The following PLAAT3 variants were observed in gnomAD, a reference collection of about 807,000 sequenced individuals.
The protein encoded by PLAAT3 is Ca-independent phospholipase A1/2.
PLAAT3 carries 21 observed loss-of-function variants against 16.7 expected under a neutral mutation model. The observed-to-expected ratio is 1.26, with a 90% CI of 0.89 to 1.81. PLAAT3 has a LOEUF of 1.81. Among genes scored for constraint, PLAAT3 ranks in the 40% most tolerant of loss-of-function variants. The probability of loss-of-function intolerance (pLI) is 0.00; values close to 1 mark genes in which losing one functional copy is unlikely to be tolerated. For missense variants in PLAAT3, 219 were observed against 213.7 expected (o/e 1.02, Z -0.16); for synonymous variants, 76 against 81.7 (o/e 0.93, Z 0.38).
intron 1 of PLAAT3, 128 bp from the exon 2 acceptor site, chr11:63,614,196 C>T (rs12807408): frequency 1.9e-5 from 14 of 736,974 alleles, no homozygotes; most frequent in Middle Eastern, 2.4e-4. Context: ...AACCACCTCG[C>T]TCCCTTTAAC....
upstream of PLAAT3, among the ~76,000 whole-genome samples, chr11:63,615,566 G>A (rs1393980778): frequency 1.3e-5 from 2 of 151,916 alleles, no homozygotes; most frequent in East Asian, 3.9e-4. Flanking sequence ...CCTTATACTA[G>A]AAGAAAAAGC....
intron 2 of PLAAT3, among the ~76,000 whole-genome samples, chr11:63,608,260 G>C (rs993229656): frequency 6.6e-6 from 1 of 152,200 alleles, no homozygotes; most frequent in African/African-American, 2.4e-5. Flanking sequence ...ACAGGAGAAG[G>C]GTTGTCTAAA....
At chr11:63,599,713 GAA>G (rs146773613) in intron 2 of PLAAT3, among the ~76,000 whole-genome samples, 2 of 147,060 alleles carry the variant, frequency 1.4e-5, no homozygotes, top group African/African-American at 5.0e-5. Context: ...TGTTTTCCAG[GAA>G]AAAAAAAAGA....
intron 1 of PLAAT3, 129 bp downstream of exon 1, chr11:63,614,256 C>A: frequency 1.7e-6 from 1 of 577,762 alleles, no homozygotes; most frequent in East Asian, 3.1e-5. Flanking sequence ...CAGGTGCCAG[C>A]GGGCGGCTCG....
Position 63,598,077 on chromosome 11 carries a change from A to T in PLAAT3, c.102T>A (p.Val34=). 6.2e-7 allele frequency: 1 copy of T among 1,612,074 alleles called. No individual in the cohort carries two copies. Among genetic ancestry groups the T allele is most frequent in the South Asian group, 1.1e-5 (1 of 91,040 alleles). The change falls in exon 3 of 5, where the codon GTT becomes GTA. Residue 34 remains valine (V), a synonymous_variant. Coordinates refer to ENST00000415826, the MANE Select transcript of PLAAT3 (RefSeq NM_001128203.2). The stretch of plus-strand genomic sequence containing the variant: ...TGTTCTTACTTGGAGGGGCCAGATG[A>T]ACCACATATCCATCGCCAACATAGA... ...WAIYVGDGYV[V]HLAPPSEVAG... is the part of the protein sequence containing the mutation.
intron 3 of PLAAT3, among the ~76,000 whole-genome samples, chr11:63,596,777 G>C (rs1008091774): frequency 6.6e-6 from 1 of 152,104 alleles, no homozygotes; most frequent in Non-Finnish European, 1.5e-5. Flanking sequence ...GATAATGAGT[G>C]AGTTCTCACA....
intron 4 of PLAAT3, among the ~76,000 whole-genome samples, chr11:63,581,009 C>T (rs773265241): frequency 3.3e-5 from 5 of 152,216 alleles, no homozygotes; most frequent in Admixed American, 6.5e-5. Flanking sequence ...GTGAAGATGT[C>T]ATGGACATTT....
Position 63,614,076 on chromosome 11 carries a change from A to C in PLAAT3, c.-54-8T>G. 1 of 1,612,322 alleles carries C rather than the reference A, an allele frequency of 6.2e-7. No homozygotes were observed. The highest frequency in any genetic ancestry group is 8.5e-7 in the Non-Finnish European group (1 of 1,178,708). On this transcript the variant is annotated splice_region_variant and splice_polypyrimidine_tract_variant and intron_variant, in intron 1 of 4. Transcript: ENST00000415826. ...ATTTCGCTGCGTAGATGTCTGAGGC[A>C]GGGGGAGCAGGGATTTATTGTCATT...
intron 3 of PLAAT3, among the ~76,000 whole-genome samples, chr11:63,595,028 C>T (rs184982314): frequency 2.0e-5 from 3 of 152,042 alleles, no homozygotes; most frequent in Admixed American, 1.3e-4. Context: ...CGGTGGCTCA[C>T]GCCTGTAATC....
At chr11:63,576,103 C>T (rs1446180652) in intron 4 of PLAAT3, among the ~76,000 whole-genome samples, 1 of 152,196 alleles carries the variant, frequency 6.6e-6, no homozygotes, top group East Asian at 1.9e-4. Flanking sequence ...TTACGCTCCA[C>T]ACAAGAGTCC....
At chr11:63,610,378 G>A (rs1299169089) in intron 2 of PLAAT3, among the ~76,000 whole-genome samples, 1 of 152,194 alleles carries the variant, frequency 6.6e-6, no homozygotes, top group Non-Finnish European at 1.5e-5. Flanking sequence ...CCTAGCCTGT[G>A]GGAAGAAGCG....
intron 3 of PLAAT3, among the ~76,000 whole-genome samples, chr11:63,596,170 G>A (rs1216998108): frequency 6.7e-6 from 1 of 149,134 alleles, no homozygotes; most frequent in East Asian, 2.0e-4. Flanking sequence ...GAACCCGGAG[G>A]CAGAGCTTGC....
chr11:63,611,895 T>C (rs1938701089), intron 2 of PLAAT3, among the ~76,000 whole-genome samples: 1 of 152,220 alleles, frequency 6.6e-6, no homozygotes, highest in African/African-American at 2.4e-5. Flanking sequence ...TCCCAGCACT[T>C]TGGGAGGCCG....
At chr11:63,597,187 TCCTGAGGCGTC>T (rs1209088208) in intron 3 of PLAAT3, among the ~76,000 whole-genome samples, 2 of 152,016 alleles carry the variant, frequency 1.3e-5, no homozygotes, top group Non-Finnish European at 2.9e-5. Context: ...ATGGTAAGTT[TCCTGAGGCGTC>T]CCCAGCCATG....
At position 63,590,230 on chromosome 11, in the gene PLAAT3, G is replaced by T; in HGVS notation, c.257C>A (p.Pro86Gln). Residue 86 changes from proline (P) to glutamine (Q), a missense_variant, in exon 4 of 5, where the codon CCG (proline) becomes CAG (glutamine). Transcript: ENST00000415826. ...CTGGATGATTTTGCTGCAGGGCAGC[G>T]GCGAGTACTTGTCATCATGTTTGTT... ...VNNKHDDKYS[P>Q]LPCSKIIQRA... The T allele has an allele frequency of 1.2e-6, 2 of 1,614,228 alleles. No homozygotes were observed. Among genetic ancestry groups the T allele is most frequent in the Non-Finnish European group, 8.5e-7 (1 of 1,180,040 alleles).
At chr11:63,616,588 A>T (rs1023257462), upstream of PLAAT3, 1 of 152,002 alleles carries the variant, frequency 6.6e-6, no homozygotes, top group Non-Finnish European at 1.5e-5. Context: ...ACAACTTACT[A>T]TTCTTTGTCC....
intron 2 of PLAAT3, among the ~76,000 whole-genome samples, chr11:63,602,279 CTG>C (rs1189288411): frequency 1.3e-4 from 5 of 37,082 alleles, no homozygotes; most frequent in Non-Finnish European, 2.6e-4. Context: ...GACAGTGAAA[CTG>C]TCTCAAAAAA....
chr11:63,606,824 C>T (rs1361914210), intron 2 of PLAAT3, among the ~76,000 whole-genome samples: 1 of 152,172 alleles, frequency 6.6e-6, no homozygotes, highest in African/African-American at 2.4e-5. Context: ...GAAAAGCAGC[C>T]GGTCCGGAAG....
intron 2 of PLAAT3, among the ~76,000 whole-genome samples, chr11:63,599,957 G>A (rs1435348553): frequency 1.3e-5 from 2 of 152,090 alleles, no homozygotes; most frequent in African/African-American, 2.4e-5. Flanking sequence ...ACCAATGAGA[G>A]GAGCCCTCAC....
Sources: gnomAD v4.1 joint callset for allele counts (sites outside exome capture counted in the v4.1 genomes callset) on GRCh38, gnomAD v4.1.1 for gene constraint, MANE v1.5 for transcripts, NCBI Gene and HGNC (gene_info 2026-07-23, HGNC 2026-07-21) for gene names.